The following NEU3 variants were observed in gnomAD, a reference collection of about 807,000 sequenced individuals.
The protein encoded by NEU3 is sialidase-3.
In NEU3, 10 loss-of-function variants were observed where a neutral mutation model predicts 11.4. The observed-to-expected ratio is 0.88, with a 90% CI of 0.54 to 1.49. NEU3 has a LOEUF of 1.49. Ranked by LOEUF, NEU3 falls within the 40% of genes most tolerant of loss-of-function variation. NEU3 has a pLI of 0.00. For synonymous variants in NEU3, 212 were observed against 228.2 expected, an observed-to-expected ratio of 0.93 and a Z score of 0.64; for missense variants, 529 against 581.8, an observed-to-expected ratio of 0.91 and a Z score of 0.93.
intron 1 of NEU3, among the ~76,000 whole-genome samples, chr11:74,990,469 G>T (rs570407434): frequency 4.9e-4 from 75 of 152,158 alleles, no homozygotes; most frequent in African/African-American, 1.7e-3. Context: ...TGATTCTCCT[G>T]CCTCAGCCTC....
chr11:74,990,173 G>A (rs1948714756), intron 1 of NEU3: 1 of 613,026 alleles, frequency 1.6e-6, no homozygotes, highest in South Asian at 2.0e-5. Flanking sequence ...ACACTTTTGA[G>A]TGGTTCTTCA....
chr11:75,016,639 C>G (rs749211335), intron 3 of NEU3, among the ~76,000 whole-genome samples: 1 of 152,146 alleles, frequency 6.6e-6, no homozygotes, highest in Non-Finnish European at 1.5e-5. Flanking sequence ...CTTGGAGAAG[C>G]AGAGATCCTT....
At chr11:74,992,437 C>T (rs537260089) in intron 1 of NEU3, among the ~76,000 whole-genome samples, 23 of 152,276 alleles carry the variant, frequency 1.5e-4, no homozygotes, top group South Asian at 4.2e-4. Context: ...TTTATTGAAT[C>T]AATTGTTCTT....
downstream of NEU3, among the ~76,000 whole-genome samples, chr11:75,014,959 T>G (rs1591766056): frequency 2.0e-5 from 3 of 152,252 alleles, no homozygotes; most frequent in African/African-American, 7.2e-5. Context: ...TTTAAACCTT[T>G]GGCACATAGA....
chr11:75,020,437 G>T (rs146342592), downstream of NEU3, among the ~76,000 whole-genome samples: 3 of 152,128 alleles, frequency 2.0e-5, no homozygotes, highest in Non-Finnish European at 4.4e-5. Context: ...TTGTGGGAGG[G>T]ACCCAGTGGG....
chr11:74,981,292 G>C, the NEU3 span, among the ~76,000 whole-genome samples: 2 of 152,178 alleles, frequency 1.3e-5, no homozygotes, highest in African/African-American at 4.8e-5. Flanking sequence ...TGTCAAAGGT[G>C]ACCCACTGGA....
chr11:75,006,077 TC>T lies in NEU3; in HGVS notation c.974del (p.Pro325HisfsTer24), dbSNP rs1338976130. On this transcript the variant is annotated frameshift_variant, in exon 3 of 3. Coordinates refer to ENST00000294064, the MANE Select transcript of NEU3 (RefSeq NM_006656.6). LOFTEE classifies it low-confidence loss of function (END_TRUNC). ...GSVVSFRPLE[I>X]PHRCQDSSSK... is the part of the protein sequence containing the mutation. ...GTGGTAAGTTTCCGGCCCCTGGAGA[TC>T]CCACATAGGTGCCAGGACTCTAGCA... 6.2e-7 allele frequency: 1 copy of T among 1,613,880 alleles called. No individual in the cohort carries two copies. Among genetic ancestry groups the T allele is most frequent in the Non-Finnish European group, 8.5e-7 (1 of 1,179,876 alleles).
At chr11:74,995,965 G>C (rs55833547) in intron 2 of NEU3, among the ~76,000 whole-genome samples, 3,577 of 152,080 alleles carry the variant, frequency 0.024, 113 homozygotes, top group African/African-American at 0.082. Flanking sequence ...ACTGGCCTGG[G>C]CAACATAGCA....
chr11:75,003,086 T>C (rs1318991254), intron 2 of NEU3, among the ~76,000 whole-genome samples: 1 of 152,236 alleles, frequency 6.6e-6, no homozygotes, highest in East Asian at 1.9e-4. Context: ...GTGGAATTAC[T>C]GGCTCATGTG....
At chr11:75,020,508 T>G (rs1175196003), downstream of NEU3, among the ~76,000 whole-genome samples, 2 of 152,182 alleles carry the variant, frequency 1.3e-5, no homozygotes, top group African/African-American at 4.8e-5. Flanking sequence ...TGAACAAGTC[T>G]CATGAGGTCT....
intron 2 of NEU3, among the ~76,000 whole-genome samples, chr11:74,997,862 C>A (rs75202499): frequency 6.8e-6 from 1 of 147,482 alleles, no homozygotes. Context: ...GACTCTGTTT[C>A]AAAAAAAAAA....
Position 75,000,769 on chromosome 11 carries a change from C to G in NEU3, c.307-4644C>G, listed in dbSNP as rs1208330329. Among the ~76,000 whole-genome samples the G allele has an allele frequency of 2.4e-5, 3 of 124,704 alleles. No individual in the cohort carries two copies. In the Admixed American group the frequency reaches 2.5e-4, roughly 10 times the overall value. The allele number at this position is 124,704 out of a possible 152,430, so 81.8% of individuals were successfully genotyped here. A position where few individuals can be genotyped will look rare whatever the true frequency, so the allele number is the denominator to read the frequency against. On this transcript the variant is annotated intron_variant, in intron 2 of 2. Transcript: ENST00000294064. ...GGGACTACAAGTGTGTGCCACCATA[C>G]CCAGCTAATTTATTTATTTATTTAT...
chr11:74,998,579 A>G (rs1948815154), intron 2 of NEU3, among the ~76,000 whole-genome samples: 1 of 152,136 alleles, frequency 6.6e-6, no homozygotes, highest in South Asian at 2.1e-4. Flanking sequence ...CTGCTTTTTT[A>G]CCTACAGATG....
upstream of NEU3, among the ~76,000 whole-genome samples, chr11:74,986,424 A>G (rs1025105802): frequency 1.3e-5 from 2 of 152,230 alleles, no homozygotes; most frequent in Non-Finnish European, 2.9e-5. Context: ...AGGAAATACA[A>G]GATTGGAATA....
At chr11:75,018,033 T>G (rs539143576) in intron 3 of NEU3, among the ~76,000 whole-genome samples, 1 of 152,086 alleles carries the variant, frequency 6.6e-6, no homozygotes, top group African/African-American at 2.4e-5. Context: ...GCACTTTTTT[T>G]AAGCCTTCCC....
At chr11:74,998,534 C>T (rs1383520093) in intron 2 of NEU3, among the ~76,000 whole-genome samples, 10 of 152,186 alleles carry the variant, frequency 6.6e-5, no homozygotes, top group Admixed American at 6.5e-4. Context: ...CTCTCTATAT[C>T]TACATAGTAG....
chr11:75,002,391 T>C (rs1456550932), intron 2 of NEU3, among the ~76,000 whole-genome samples: 2 of 152,216 alleles, frequency 1.3e-5, no homozygotes, highest in Non-Finnish European at 2.9e-5. Context: ...AGGTAGTTAA[T>C]ACATTTCATA....
At chr11:75,017,435 T>C (rs1202403674) in intron 3 of NEU3, among the ~76,000 whole-genome samples, 1 of 152,140 alleles carries the variant, frequency 6.6e-6, no homozygotes, top group African/African-American at 2.4e-5. Flanking sequence ...TACAGAAGTA[T>C]CTGGCCAAGG....
chr11:75,006,367 T>C lies in NEU3; in HGVS notation c.1261T>C (p.Cys421Arg). 1 of 1,613,982 alleles carries C rather than the reference T, an allele frequency of 6.2e-7. No individual in the cohort carries two copies. The highest frequency in any genetic ancestry group is 8.5e-7 in the Non-Finnish European group (1 of 1,179,894). Residue 421 changes from cysteine to arginine, a missense_variant, in exon 3 of 3, where the codon TGT (cysteine) becomes CGT (arginine). Coordinates refer to ENST00000294064, the MANE Select transcript of NEU3 (RefSeq NM_006656.6). ...EEGLFGCLFE[C>R]GTKQECEQIA... ...GGGCTTGTTTGGGTGTTTGTTTGAA[T>C]GTGGGACCAAGCAAGAGTGTGAGCA...
Sources: allele counts gnomAD v4.1 joint callset (sites outside exome capture counted in the v4.1 genomes callset), GRCh38; gene constraint gnomAD v4.1.1; transcripts MANE v1.5; gene names NCBI Gene and HGNC (gene_info 2026-07-23, HGNC 2026-07-21).